The following ARID1B variants were observed in gnomAD, a reference collection of about 807,000 sequenced individuals.
ARID1B encodes AT-rich interactive domain-containing protein 1B.
ARID1B carries 30 observed loss-of-function variants against 212.3 expected under a neutral mutation model. The observed-to-expected ratio is 0.14, with a 90% CI of 0.11 to 0.19. The LOEUF (loss-of-function observed/expected upper bound fraction) is 0.19, where lower values mean the gene tolerates loss of function less well. ARID1B is among the 10% of genes least tolerant of loss of function. The pLI, the probability that ARID1B is intolerant of heterozygous loss-of-function variation, is 1.00. For missense variants in ARID1B, 2,891 were observed against 3,204.0 expected, an observed-to-expected ratio of 0.90 and a Z score of 2.36; for synonymous variants, 1,402 against 1,301.7, an observed-to-expected ratio of 1.08 and a Z score of -1.66.
intron 4 of ARID1B, among the ~76,000 whole-genome samples, chr6:157,067,161 AT>A (rs1450569473): frequency 6.6e-6 from 1 of 152,224 alleles, no homozygotes; most frequent in Non-Finnish European, 1.5e-5. Context: ...TTTTAGCAGT[AT>A]TTGTACTAGT....
chr6:156,890,321 A>T (rs1008493983), intron 2 of ARID1B, among the ~76,000 whole-genome samples: 1 of 152,238 alleles, frequency 6.6e-6, no homozygotes, highest in African/African-American at 2.4e-5. Flanking sequence ...TTGTATGTGT[A>T]TGTCTTTATA....
intron 2 of ARID1B, among the ~76,000 whole-genome samples, chr6:156,846,885 G>T (rs1235658291): frequency 1.3e-5 from 2 of 152,050 alleles, no homozygotes; most frequent in Admixed American, 6.5e-5. Context: ...CTGTCTTTGG[G>T]GTTCTGCACT....
chr6:157,085,441 T>A (rs1028446137), intron 5 of ARID1B, among the ~76,000 whole-genome samples: 12 of 152,232 alleles, frequency 7.9e-5, no homozygotes, highest in Admixed American at 7.2e-4. Flanking sequence ...GGAGCCCATG[T>A]TCTGGTTAAC....
intron 2 of ARID1B, among the ~76,000 whole-genome samples, chr6:156,866,242 C>T (rs1274474522): frequency 1.3e-5 from 2 of 152,098 alleles, no homozygotes; most frequent in Non-Finnish European, 2.9e-5. Context: ...CTGAGGAGCC[C>T]CTCTTTTGCT....
intron 4 of ARID1B, among the ~76,000 whole-genome samples, chr6:157,042,346 A>G (rs1159100418): frequency 6.6e-6 from 1 of 152,218 alleles, no homozygotes; most frequent in Admixed American, 6.5e-5. Flanking sequence ...AGAAATATGT[A>G]TTACCAGTGT....
chr6:156,894,053 G>A (rs1788175382), intron 2 of ARID1B, among the ~76,000 whole-genome samples: 1 of 152,186 alleles, frequency 6.6e-6, no homozygotes, highest in Admixed American at 6.5e-5. Context: ...TTATCCATGG[G>A]TGAGTGGATA....
chr6:156,861,190 G>A (rs1454173693), intron 2 of ARID1B, among the ~76,000 whole-genome samples: 1 of 152,176 alleles, frequency 6.6e-6, no homozygotes, highest in Admixed American at 6.5e-5. Context: ...GTGGTGGGGA[G>A]GGGGGACAGG....
At chr6:156,883,082 A>AT in intron 2 of ARID1B, among the ~76,000 whole-genome samples, 1 of 152,342 alleles carries the variant, frequency 6.6e-6, no homozygotes, top group South Asian at 2.1e-4. Context: ...CCTGGGAGTT[A>AT]TAGTCAAGGA....
chr6:157,206,674 C>T lies in ARID1B; in HGVS notation c.5902C>T (p.Arg1968Cys), dbSNP rs766931727. Residue 1968 changes from arginine (R) to cysteine (C), a missense_variant, in exon 20 of 20, where the codon CGC becomes TGC. Transcript: ENST00000636930. The surrounding 1 kb of genome is among the most constrained non-coding windows in gnomAD (Gnocchi z 6.8). The part of the protein sequence containing the change: ...ESKMEIPPRR[R>C]PPPPLSSAGR... Reference sequence around the variant, plus strand: ...CAAGATGGAAATTCCTCCTCGCAGGCGCCCACCTCCCCCCTTAAGCTCCGC... The same window carrying T: ...CAAGATGGAAATTCCTCCTCGCAGGTGCCCACCTCCCCCCTTAAGCTCCGC... The T allele has an allele frequency of 2.3e-5, 37 of 1,612,816 alleles. No individual in the cohort carries two copies. The highest frequency in any genetic ancestry group is 3.1e-5 in the Non-Finnish European group (36 of 1,179,986).
At chr6:156,946,131 C>G (rs1793114406) in intron 4 of ARID1B, among the ~76,000 whole-genome samples, 1 of 150,576 alleles carries the variant, frequency 6.6e-6, no homozygotes, top group East Asian at 2.0e-4. Flanking sequence ...CCAAGGCGGG[C>G]AGACCACTTG....
rs372967890 is a variant in ARID1B, at chr6:156,913,217, C to CTT, written c.2136+11708_2136+11709dup. Among the ~76,000 whole-genome samples, 584 of 128,976 alleles carry CTT rather than the reference C, an allele frequency of 4.5e-3. 14 individuals carry two copies. The highest frequency in any genetic ancestry group is 0.013 in the African/African-American group (426 of 33,926). The allele number at this position is 128,976 out of a possible 152,430, so 84.6% of individuals were successfully genotyped here. On this transcript the variant is annotated intron_variant, in intron 3 of 19. Transcript: ENST00000636930. ...ACATCCACTCAACATTTTTCTTTTT[C>CTT]TTTTTTTTTTTTTTTTTGAGACAGA... is the stretch of plus-strand genomic sequence containing the variant.
intron 2 of ARID1B, among the ~76,000 whole-genome samples, chr6:156,895,947 A>T (rs567210444): frequency 9.1e-4 from 138 of 152,342 alleles, no homozygotes; most frequent in African/African-American, 3.1e-3. Context: ...TACGTATTCA[A>T]ATTTTATACA....
chr6:156,828,708 A>G (rs1406100356), intron 1 of ARID1B, among the ~76,000 whole-genome samples: 1 of 152,224 alleles, frequency 6.6e-6, no homozygotes, highest in Non-Finnish European at 1.5e-5. Context: ...TTTACCCTGG[A>G]CATATGCATG....
chr6:156,977,524 T>A (rs909661724), intron 4 of ARID1B, among the ~76,000 whole-genome samples: 16 of 152,194 alleles, frequency 1.1e-4, no homozygotes, highest in Non-Finnish European at 4.4e-5. Flanking sequence ...TGATTTGGTT[T>A]CCATATCTCT....
Position 156,779,394 on chromosome 6 carries a change from G to T in ARID1B, c.1714G>T (p.Ala572Ser), listed in dbSNP as rs760366486. 1 of 1,428,226 alleles carries T rather than the reference G, an allele frequency of 7.0e-7. No individual in the cohort carries two copies. The highest frequency in any genetic ancestry group is 2.3e-5 in the Admixed American group (1 of 43,626). The allele number at this position is 1,428,226 out of a possible 1,614,324, so 88.5% of individuals were successfully genotyped here. A position where few individuals can be genotyped will look rare whatever the true frequency, so the allele number is the denominator to read the frequency against. ...MGAQYAAASP[A>S]WAAAQQRSHP... Reference sequence around the variant, plus strand: ...CGCCCAGTACGCCGCTGCCAGCCCGGCCTGGGCGGCCGCGCAACAAAGGAG... The same window carrying T: ...CGCCCAGTACGCCGCTGCCAGCCCGTCCTGGGCGGCCGCGCAACAAAGGAG... The change falls in exon 1 of 20, where the codon GCC becomes TCC. Residue 572 changes from alanine (A) to serine (S), a missense_variant. By Grantham distance (99) the Ala-to-Ser change is moderately conservative (BLOSUM62 1). Transcript: ENST00000636930.
chr6:157,107,567 G>A (rs1003377844), intron 5 of ARID1B, among the ~76,000 whole-genome samples: 4 of 152,260 alleles, frequency 2.6e-5, no homozygotes, highest in African/African-American at 4.8e-5. Flanking sequence ...AATTGTGCAC[G>A]TGGCTGTGTG....
Position 157,207,995 on chromosome 6 carries a change from T to G in ARID1B, c.*104T>G. On this transcript the variant is annotated 3_prime_UTR_variant, in exon 20 of 20. Transcript: ENST00000636930. The surrounding 1 kb of genome is among the most constrained non-coding windows in gnomAD (Gnocchi z 8.5). The stretch of plus-strand genomic sequence containing the variant: ...CAGCGTAGGAAGAAGGAAAAGAAAA[T>G]CTTTGCTCCTCTGCCCCATTCACTA... The G allele has an allele frequency of 8.2e-7, 1 of 1,216,004 alleles. No individual in the cohort carries two copies. The highest frequency in any genetic ancestry group is 2.8e-5 in the South Asian group (1 of 36,262). The allele number at this position is 1,216,004 out of a possible 1,614,324, so 75.3% of individuals were successfully genotyped here. A position where few individuals can be genotyped will look rare whatever the true frequency, so the allele number is the denominator to read the frequency against.
rs1019972010 is a variant in ARID1B, at chr6:157,206,272, C to G, written c.5500C>G (p.Leu1834Val). The G allele has an allele frequency of 6.2e-7, 1 of 1,614,140 alleles. No individual in the cohort carries two copies. Among genetic ancestry groups the G allele is most frequent in the Non-Finnish European group, 8.5e-7 (1 of 1,180,020 alleles). Residue 1834 changes from leucine to valine, a missense_variant, in exon 20 of 20, where the codon CTT (leucine) becomes GTT (valine). This residue lies in a region of ARID1B where 332 missense variants were observed against 369.2 expected (regional missense o/e 0.90). Coordinates refer to ENST00000636930, the MANE Select transcript of ARID1B (RefSeq NM_001374828.1). This position sits in a 1 kb window ranked among gnomAD's most constrained non-coding sequence, Gnocchi z 6.8. Reference sequence around the variant, plus strand: ...AGTGGGAGACCCCAGCCAAAAAGCACTTGATCACAACGCAGCAAGGAAGGA... The same window carrying G: ...AGTGGGAGACCCCAGCCAAAAAGCAGTTGATCACAACGCAGCAAGGAAGGA... ...YEVGDPSQKA[L>V]DHNAARKDDS... is the part of the protein sequence containing the mutation.
intron 7 of ARID1B, among the ~76,000 whole-genome samples, chr6:157,143,632 A>C (rs918223272): frequency 2.6e-5 from 4 of 152,292 alleles, no homozygotes; most frequent in Admixed American, 6.5e-5. Context: ...ACAGAACCAC[A>C]GTTCAGAGAG....
Sources: gnomAD v4.1 joint callset for allele counts (sites outside exome capture counted in the v4.1 genomes callset) on GRCh38, gnomAD v4.1.1 for gene constraint, gnomAD v4.1.1 regional missense constraint, Gnocchi (gnomAD v3.1) non-coding constraint, MANE v1.5 for transcripts, NCBI Gene and HGNC (gene_info 2026-07-23, HGNC 2026-07-21) for gene names.